Variants in MTHFD1L observed in about 807,000 individuals in gnomAD.
MTHFD1L encodes methylenetetrahydrofolate dehydrogenase (NADP+ dependent) 1 like.
Under a neutral mutation model 119.5 loss-of-function variants are expected in MTHFD1L, and 81 were observed. That is an observed-to-expected ratio of 0.68 (90% CI 0.57 to 0.82). The LOEUF is 0.82. MTHFD1L is among the 40% of genes least tolerant of loss of function. MTHFD1L has a pLI of 0.00. For synonymous variants in MTHFD1L, 430 were observed against 475.2 expected, an observed-to-expected ratio of 0.90 and a Z score of 1.24; for missense variants, 1,125 against 1,253.4, an observed-to-expected ratio of 0.90 and a Z score of 1.55.
At chr6:150,996,114 T>C (rs1203486438) in intron 20 of MTHFD1L, among the ~76,000 whole-genome samples, 1 of 152,230 alleles carries the variant, frequency 6.6e-6, no homozygotes, top group Non-Finnish European at 1.5e-5. Flanking sequence ...CTCTTCAGGA[T>C]GTCCTCATTG....
At chr6:150,880,292 A>G (rs73011393) in intron 4 of MTHFD1L, among the ~76,000 whole-genome samples, 150 of 152,014 alleles carry the variant, frequency 9.9e-4, no homozygotes, top group Non-Finnish European at 1.8e-3. Flanking sequence ...GGTAACCACC[A>G]TTCTATTCTC....
chr6:150,919,789 T>C (rs1008965245), intron 9 of MTHFD1L, among the ~76,000 whole-genome samples: 1 of 152,134 alleles, frequency 6.6e-6, no homozygotes, highest in Non-Finnish European at 1.5e-5. Context: ...CCCATCACCC[T>C]CCACCAGGCC....
At position 150,960,338 on chromosome 6, in the gene MTHFD1L, G is replaced by T. The variant is rs1218331603; in HGVS notation, c.1867G>T (p.Ala623Ser). 1 of 1,613,940 alleles carries T rather than the reference G, an allele frequency of 6.2e-7. No individual in the cohort carries two copies. The change falls in exon 18 of 28, where the codon GCA becomes TCA. Residue 623 changes from alanine (A) to serine (S), a missense_variant. Ala to Ser is a moderately conservative substitution (Grantham distance 99, BLOSUM62 1). This residue lies in a region of MTHFD1L where 1,058 missense variants were observed against 1,151.2 expected (regional missense o/e 0.92). Transcript: ENST00000367321. ...MAVLALTDSL[A>S]DMKARLGRMV... ...GGTGCTGGCCCTGACGGACAGCCTC[G>T]CAGACATGAAGGCACGGCTGGGAAG...
intron 11 of MTHFD1L, among the ~76,000 whole-genome samples, chr6:150,933,457 T>G (rs895233859): frequency 6.6e-6 from 1 of 151,992 alleles, no homozygotes; most frequent in African/African-American, 2.4e-5. Context: ...AGCAGAAGTA[T>G]TAATATCTTT....
At chr6:150,938,878 A>C in intron 13 of MTHFD1L, 133 bp downstream of exon 13, 1 of 952,838 alleles carries the variant, frequency 1.0e-6, no homozygotes, top group Non-Finnish European at 1.6e-6. Context: ...AAACCCCAAA[A>C]TGTTTGCATA....
chr6:151,027,204 C>T (rs1784723492), intron 24 of MTHFD1L, among the ~76,000 whole-genome samples: 1 of 151,968 alleles, frequency 6.6e-6, no homozygotes, highest in Non-Finnish European at 1.5e-5. Context: ...TTCATGCCTC[C>T]CTCTGCAACC....
intron 11 of MTHFD1L, among the ~76,000 whole-genome samples, chr6:150,927,117 G>A (rs541130431): frequency 6.6e-5 from 10 of 151,996 alleles, no homozygotes; most frequent in East Asian, 1.9e-4. Context: ...TTGTTTTTAC[G>A]TATTTAATTA....
intron 26 of MTHFD1L, among the ~76,000 whole-genome samples, chr6:151,059,203 GGTGGTGGTGGTT>G (rs1396844074): frequency 6.6e-6 from 1 of 152,128 alleles, no homozygotes; most frequent in Non-Finnish European, 1.5e-5. Context: ...TGGTGGTGGT[GGTGGTGGTGGTT>G]GTGGTGGTTG....
intron 9 of MTHFD1L, among the ~76,000 whole-genome samples, chr6:150,920,452 C>T (rs1183156319): frequency 6.6e-6 from 1 of 152,182 alleles, no homozygotes; most frequent in African/African-American, 2.4e-5. Flanking sequence ...ACAATTGAAA[C>T]TCTTTACCTC....
Position 150,882,881 on chromosome 6 carries a change from G to T in MTHFD1L, c.537G>T (p.Val179=). The T allele has an allele frequency of 6.4e-7, 1 of 1,565,298 alleles. No individual in the cohort carries two copies. The highest frequency in any genetic ancestry group is 1.2e-5 in the South Asian group (1 of 80,670). Residue 179 remains valine (V), a synonymous_variant, in exon 5 of 28, where the codon GTG becomes GTT. Transcript: ENST00000367321. ...VLNALKPEKD[V]DGVTDINLGK... The stretch of plus-strand genomic sequence containing the variant: ...ATGCCTTGAAACCAGAAAAAGATGT[G>T]GATGGGTAAGAAAATAAAATCAAAT...
intron 11 of MTHFD1L, chr6:150,935,608 G>T: frequency 7.3e-7 from 1 of 1,364,238 alleles, no homozygotes; most frequent in Non-Finnish European, 1.0e-6. Context: ...GGTTTTCTCT[G>T]GTCTGATTTT....
chr6:151,036,928 C>G lies in MTHFD1L; in HGVS notation c.2695-37C>G, dbSNP rs376884406. On this transcript the variant is annotated intron_variant, in intron 25 of 27. Coordinates refer to ENST00000367321, the MANE Select transcript of MTHFD1L (RefSeq NM_015440.5). Reference sequence around the variant, plus strand: ...ATTGAAAAGCACAGGAGACTAACATCTGTATCAGTGAACACATTTTCTTTC... The same window carrying G: ...ATTGAAAAGCACAGGAGACTAACATGTGTATCAGTGAACACATTTTCTTTC... 1.1e-5 allele frequency: 17 copies of G among 1,609,864 alleles called. No homozygotes were observed. In the African/African-American group the frequency reaches 1.1e-4, roughly 10 times the overall value.
At chr6:150,922,837 G>T (rs577448853) in intron 10 of MTHFD1L, among the ~76,000 whole-genome samples, 176 of 150,228 alleles carry the variant, frequency 1.2e-3, no homozygotes, top group Non-Finnish European at 2.1e-3. Flanking sequence ...AGAGATGGGG[G>T]TTTCACCATT....
At chr6:150,935,325 G>A (rs1791872690) in intron 11 of MTHFD1L, 7 of 1,612,716 alleles carry the variant, frequency 4.3e-6, no homozygotes, top group Non-Finnish European at 5.9e-6. Context: ...AAAATAACTA[G>A]GATATCAGAA....
chr6:150,866,144 G>C, intron 1 of MTHFD1L, 95 bp downstream of exon 1: 1 of 1,413,488 alleles, frequency 7.1e-7, no homozygotes. Flanking sequence ...AGCGGGGCGC[G>C]GGGCTGCGAG....
At chr6:150,914,960 C>G (rs928650357) in intron 8 of MTHFD1L, among the ~76,000 whole-genome samples, 3 of 152,214 alleles carry the variant, frequency 2.0e-5, no homozygotes, top group Non-Finnish European at 4.4e-5. Context: ...CCTTTTAACT[C>G]TTACGGACTT....
intron 12 of MTHFD1L, 85 bp downstream of exon 12, chr6:150,937,025 G>C: frequency 6.6e-7 from 1 of 1,505,926 alleles, no homozygotes; most frequent in Non-Finnish European, 9.1e-7. Context: ...CAGATAAAGA[G>C]TTAAGACTTT....
chr6:150,963,761 C>G (rs369367965), intron 18 of MTHFD1L, among the ~76,000 whole-genome samples: 83 of 152,256 alleles, frequency 5.5e-4, no homozygotes, highest in Middle Eastern at 6.8e-3. Flanking sequence ...GTTTTCCCCC[C>G]CTAGAGCTAC....
chr6:150,960,528 A>T (rs1019081932), intron 18 of MTHFD1L, 113 bp downstream of exon 18: 3 of 1,363,824 alleles, frequency 2.2e-6, no homozygotes, highest in Admixed American at 5.4e-5. Flanking sequence ...ATACAGAAAA[A>T]GTTTCCACAC....
Sources: allele counts gnomAD v4.1 joint callset (sites outside exome capture counted in the v4.1 genomes callset), GRCh38; gene constraint gnomAD v4.1.1; regional missense constraint gnomAD v4.1.1; transcripts MANE v1.5; gene names NCBI Gene and HGNC (gene_info 2026-07-23, HGNC 2026-07-21).